The following COL25A1 variants were observed in gnomAD, a reference collection of about 807,000 sequenced individuals.
The protein encoded by COL25A1 is collagen alpha-1(XXV) chain.
Under a neutral mutation model 128.4 loss-of-function variants are expected in COL25A1, and 103 were observed. The observed-to-expected ratio is 0.80, with a 90% CI of 0.68 to 0.94. The LOEUF is 0.94. COL25A1 is among the 40% of genes least tolerant of loss of function. The probability of loss-of-function intolerance (pLI) is 0.00; values close to 1 mark genes in which losing one functional copy is unlikely to be tolerated. For synonymous variants in COL25A1, 279 were observed against 277.2 expected, an observed-to-expected ratio of 1.01 and a Z score of -0.06; for missense variants, 745 against 840.0, an observed-to-expected ratio of 0.89 and a Z score of 1.40.
chr4:109,002,793 G>T (rs913175707), intron 6 of COL25A1, among the ~76,000 whole-genome samples: 9 of 150,886 alleles, frequency 6.0e-5, no homozygotes, highest in African/African-American at 2.0e-4. Flanking sequence ...TTTAAGTTTT[G>T]GGATACATAT....
At chr4:109,013,324 T>A (rs1480749887) in intron 5 of COL25A1, among the ~76,000 whole-genome samples, 2 of 82,206 alleles carry the variant, frequency 2.4e-5, no homozygotes, top group Non-Finnish European at 4.2e-5. Context: ...GCACTCTGTT[T>A]CTAGCTCAGG....
intron 30 of COL25A1, among the ~76,000 whole-genome samples, chr4:108,842,880 C>T (rs1035630130): frequency 2.6e-5 from 4 of 152,016 alleles, no homozygotes; most frequent in African/African-American, 9.7e-5. Flanking sequence ...CGAGGTGGCT[C>T]ACATCTGTAA....
At chr4:109,011,992 T>G (rs1351570723) in intron 5 of COL25A1, among the ~76,000 whole-genome samples, 3 of 151,978 alleles carry the variant, frequency 2.0e-5, no homozygotes, top group Non-Finnish European at 4.4e-5. Flanking sequence ...AGAGAAGATT[T>G]CTATGGAGAC....
intron 18 of COL25A1, among the ~76,000 whole-genome samples, chr4:108,886,480 G>GTTTTTTTTTTTT (rs1740812579): frequency 2.1e-4 from 27 of 127,272 alleles, no homozygotes; most frequent in Admixed American, 1.0e-3. Flanking sequence ...GTGTGTGTGT[G>GTTTTTTTTTTTT]TGTGTGTGTG....
intron 6 of COL25A1, among the ~76,000 whole-genome samples, chr4:109,001,398 G>GCATCTGAGATCCTGTCAGGTAGC (rs1755376145): frequency 1.3e-5 from 2 of 152,288 alleles, no homozygotes; most frequent in Non-Finnish European, 2.9e-5. Flanking sequence ...TGTCAGGTAG[G>GCATCTGAGATCCTGTCAGGTAGC]CATCTGAGAT....
chr4:108,841,349 T>C (rs1429290428), intron 31 of COL25A1, among the ~76,000 whole-genome samples: 1 of 151,972 alleles, frequency 6.6e-6, no homozygotes, highest in Non-Finnish European at 1.5e-5. Flanking sequence ...CATCCAAATA[T>C]ACAGTTAGAG....
chr4:109,241,865 T>G (rs1305238382), intron 3 of COL25A1, among the ~76,000 whole-genome samples: 1 of 152,090 alleles, frequency 6.6e-6, no homozygotes, highest in Non-Finnish European at 1.5e-5. Flanking sequence ...TTTAATTCAT[T>G]TGTACAGATT....
chr4:108,998,150 A>T (rs144938377), intron 6 of COL25A1, among the ~76,000 whole-genome samples: 20 of 152,250 alleles, frequency 1.3e-4, no homozygotes, highest in African/African-American at 4.8e-4. Context: ...GAAAGAAATA[A>T]AGGGTTTTGA....
intron 3 of COL25A1, among the ~76,000 whole-genome samples, chr4:109,238,280 C>T (rs17040164): frequency 0.072 from 10,868 of 151,934 alleles, 903 homozygotes; most frequent in African/African-American, 0.2. Flanking sequence ...TTTTACCAAG[C>T]AGCTTTAGGG....
chr4:108,856,775 T>C (rs921591605), intron 24 of COL25A1, among the ~76,000 whole-genome samples: 7 of 152,078 alleles, frequency 4.6e-5, no homozygotes, highest in African/African-American at 1.7e-4. Flanking sequence ...CAGAAGTATA[T>C]CGTTTCATAT....
intron 32 of COL25A1, among the ~76,000 whole-genome samples, chr4:108,832,125 A>C (rs1733197342): frequency 6.6e-6 from 1 of 152,224 alleles, no homozygotes; most frequent in Non-Finnish European, 1.5e-5. Flanking sequence ...GTGAAGGAAG[A>C]ATCATCTGAG....
At chr4:108,986,781 T>C (rs1392462989) in intron 6 of COL25A1, among the ~76,000 whole-genome samples, 1 of 152,206 alleles carries the variant, frequency 6.6e-6, no homozygotes, top group Non-Finnish European at 1.5e-5. Flanking sequence ...AGTGTTGATA[T>C]TAAGAAATTA....
chr4:109,125,465 T>G (rs1768506989), intron 3 of COL25A1, among the ~76,000 whole-genome samples: 1 of 152,128 alleles, frequency 6.6e-6, no homozygotes, highest in South Asian at 2.1e-4. Flanking sequence ...CTGAACCAGC[T>G]CTGAATGAAT....
At chr4:109,198,865 TG>T (rs1391829522) in intron 3 of COL25A1, among the ~76,000 whole-genome samples, 1 of 152,210 alleles carries the variant, frequency 6.6e-6, no homozygotes, top group East Asian at 1.9e-4. Context: ...GTCTTGTGCT[TG>T]AAGCCAGGAT....
At chr4:109,138,022 A>G (rs1370860241) in intron 3 of COL25A1, among the ~76,000 whole-genome samples, 1 of 84,640 alleles carries the variant, frequency 1.2e-5, no homozygotes, top group East Asian at 4.8e-4. Context: ...GTGTTGGGAT[A>G]CATGTGCAGA....
intron 6 of COL25A1, among the ~76,000 whole-genome samples, chr4:108,978,535 T>A (rs1444344428): frequency 6.6e-6 from 1 of 151,368 alleles, no homozygotes; most frequent in Non-Finnish European, 1.5e-5. Flanking sequence ...AAAATTGGGG[T>A]ATTAATTTTT....
intron 3 of COL25A1, among the ~76,000 whole-genome samples, chr4:109,115,515 A>G (rs1282229578): frequency 2.6e-5 from 4 of 152,090 alleles, no homozygotes; most frequent in Admixed American, 2.6e-4. Context: ...TTTCATTTGA[A>G]CTAAGGGGAT....
At chr4:108,915,637 C>A (rs1024124582) in intron 13 of COL25A1, among the ~76,000 whole-genome samples, 15 of 151,746 alleles carry the variant, frequency 9.9e-5, no homozygotes, top group African/African-American at 3.4e-4. Context: ...ACTATGGTGC[C>A]CAAGCTGGAC....
intron 8 of COL25A1, among the ~76,000 whole-genome samples, chr4:108,973,866 G>T (rs1752161511): frequency 6.6e-6 from 1 of 152,126 alleles, no homozygotes; most frequent in Non-Finnish European, 1.5e-5. Context: ...CCTTTTATCT[G>T]CTTAAAAATC....
Sources: allele counts gnomAD v4.1 joint callset (sites outside exome capture counted in the v4.1 genomes callset), GRCh38; gene constraint gnomAD v4.1.1; transcripts MANE v1.5; gene names NCBI Gene and HGNC (gene_info 2026-07-23, HGNC 2026-07-21).